The following MAPK9 variants were observed in gnomAD, a reference collection of about 807,000 sequenced individuals.
MAPK9 encodes mitogen-activated protein kinase 9.
Under a neutral mutation model 57.1 loss-of-function variants are expected in MAPK9, and 30 were observed. That is an observed-to-expected ratio of 0.53 (90% confidence interval 0.39 to 0.71). The LOEUF (loss-of-function observed/expected upper bound fraction) is 0.71. MAPK9 is among the 30% of genes least tolerant of loss of function. The probability of loss-of-function intolerance (pLI) is 0.00; values close to 1 mark genes in which losing one functional copy is unlikely to be tolerated. For missense variants in MAPK9, 362 were observed against 521.0 expected, an observed-to-expected ratio of 0.69 and a Z score of 2.97; for synonymous variants, 155 against 177.0, an observed-to-expected ratio of 0.88 and a Z score of 0.99.
At chr5:180,259,112 GAA>G (rs1759629299) in intron 5 of MAPK9, among the ~76,000 whole-genome samples, 1 of 152,080 alleles carries the variant, frequency 6.6e-6, no homozygotes, top group African/African-American at 2.4e-5. Flanking sequence ...ATACCAGAGA[GAA>G]ACCCTTTGAC....
At chr5:180,254,109 G>A (rs1408962811) in intron 5 of MAPK9, among the ~76,000 whole-genome samples, 3 of 151,972 alleles carry the variant, frequency 2.0e-5, no homozygotes, top group Non-Finnish European at 4.4e-5. Flanking sequence ...TGGGATTATA[G>A]GCACCTGCCA....
chr5:180,255,278 C>A (rs563882103), intron 5 of MAPK9, among the ~76,000 whole-genome samples: 1 of 152,170 alleles, frequency 6.6e-6, no homozygotes, highest in African/African-American at 2.4e-5. Flanking sequence ...CCCACCAAAA[C>A]AAGGGGGTAA....
intron 3 of MAPK9, among the ~76,000 whole-genome samples, chr5:180,269,004 T>C (rs1760981078): frequency 6.6e-6 from 1 of 151,018 alleles, no homozygotes; most frequent in Admixed American, 6.6e-5. Context: ...CCGGGCGTGG[T>C]GGCAGGCGCC....
intron 5 of MAPK9, among the ~76,000 whole-genome samples, chr5:180,249,547 C>A (rs997567443): frequency 6.6e-6 from 1 of 152,088 alleles, no homozygotes; most frequent in Non-Finnish European, 1.5e-5. Flanking sequence ...CGGCCCCCTC[C>A]TGCTCTCCAC....
At chr5:180,269,138 A>T (rs908090088) in intron 3 of MAPK9, 142 bp downstream of exon 3, 1 of 938,544 alleles carries the variant, frequency 1.1e-6, no homozygotes, top group Admixed American at 2.5e-5. Flanking sequence ...CAAAAAAACA[A>T]AAAACAAAAA....
intron 2 of MAPK9, among the ~76,000 whole-genome samples, chr5:180,271,524 C>T (rs1192729008): frequency 6.6e-6 from 1 of 152,188 alleles, no homozygotes; most frequent in Non-Finnish European, 1.5e-5. Context: ...GCTTCTTCAA[C>T]TCTGAAGGGA....
At chr5:180,267,791 G>A (rs1034262127) in intron 3 of MAPK9, among the ~76,000 whole-genome samples, 2 of 149,018 alleles carry the variant, frequency 1.3e-5, no homozygotes, top group Non-Finnish European at 2.9e-5. Context: ...CAACCTGGGT[G>A]ACAGAATGAG....
chr5:180,286,148 C>CTTT (rs554112535), intron 1 of MAPK9, among the ~76,000 whole-genome samples: 2 of 111,588 alleles, frequency 1.8e-5, no homozygotes, highest in African/African-American at 3.5e-5. Context: ...TCTTTCTTTT[C>CTTT]TTTTTTTTTT....
intron 2 of MAPK9, among the ~76,000 whole-genome samples, chr5:180,279,461 T>C (rs1354805910): frequency 1.3e-5 from 2 of 152,172 alleles, no homozygotes; most frequent in Non-Finnish European, 2.9e-5. Flanking sequence ...AAAAAACAAC[T>C]GTTTCCCTGA....
chr5:180,238,231 CTGCTCT>C (rs1757342469), intron 11 of MAPK9, 95 bp downstream of exon 11: 2 of 843,056 alleles, frequency 2.4e-6, no homozygotes, highest in Non-Finnish European at 3.8e-6. Context: ...GATCGCGCCG[CTGCTCT>C]CCAGCCTGGG....
intron 1 of MAPK9, among the ~76,000 whole-genome samples, chr5:180,286,359 T>C (rs1012651203): frequency 1.3e-5 from 2 of 150,872 alleles, no homozygotes; most frequent in African/African-American, 2.4e-5. Context: ...TTAGCCAGGA[T>C]GGTCTCGATC....
chr5:180,264,873 T>C (rs765410869), intron 3 of MAPK9, 34 bp from the exon 4 acceptor site: 1 of 1,466,494 alleles, frequency 6.8e-7, no homozygotes, highest in South Asian at 1.3e-5. Context: ...CTTCAATATG[T>C]CAGATTACTT....
At chr5:180,242,830 A>C in intron 7 of MAPK9, 75 bp from the exon 8 acceptor site, 1 of 1,210,494 alleles carries the variant, frequency 8.3e-7, no homozygotes, top group South Asian at 1.5e-5. Flanking sequence ...CACTTGAATA[A>C]TATTTAAACC....
In MAPK9 at chr5:180,236,333, C is replaced by G; in HGVS notation, c.*51G>C. The G allele has an allele frequency of 6.4e-7, 1 of 1,551,974 alleles. No individual in the cohort carries two copies. The highest frequency in any genetic ancestry group is 8.8e-7 in the Non-Finnish European group (1 of 1,142,732). On this transcript the variant is annotated 3_prime_UTR_variant, in exon 12 of 12. Coordinates refer to ENST00000452135, the MANE Select transcript of MAPK9 (RefSeq NM_002752.5). ...CATCAACTCCCAAGCATTTCAGGCC[C>G]ACGGAGGTGAGAGTTCCTTCAATGC...
chr5:180,289,244 C>A (rs1288716849), intron 1 of MAPK9, among the ~76,000 whole-genome samples: 2 of 152,176 alleles, frequency 1.3e-5, no homozygotes, highest in Non-Finnish European at 2.9e-5. Flanking sequence ...TAGACACATT[C>A]AAGTATCCCC....
chr5:180,275,304 A>C (rs1024980188), intron 2 of MAPK9, among the ~76,000 whole-genome samples: 4 of 152,112 alleles, frequency 2.6e-5, no homozygotes, highest in African/African-American at 9.7e-5. Flanking sequence ...GGCACTAGCA[A>C]TTTTTGTTTA....
At chr5:180,262,867 G>A (rs76579748) in intron 4 of MAPK9, 1,673 of 152,390 alleles carry the variant, frequency 0.011, 28 homozygotes, top group African/African-American at 0.037. Flanking sequence ...TAATCCCAGC[G>A]GGCCCTGCCC....
At chr5:180,252,598 C>T (rs141594867) in intron 5 of MAPK9, among the ~76,000 whole-genome samples, 8 of 152,202 alleles carry the variant, frequency 5.3e-5, no homozygotes, top group East Asian at 1.9e-4. Flanking sequence ...CCCACTGTGA[C>T]GACTCTTACT....
At chr5:180,278,240 G>A (rs1323704939) in intron 2 of MAPK9, among the ~76,000 whole-genome samples, 1 of 152,202 alleles carries the variant, frequency 6.6e-6, no homozygotes, top group African/African-American at 2.4e-5. Context: ...CTAACACCCC[G>A]TGAGACGGGA....
Sources: allele counts gnomAD v4.1 joint callset (sites outside exome capture counted in the v4.1 genomes callset), GRCh38; gene constraint gnomAD v4.1.1; transcripts MANE v1.5; gene names NCBI Gene and HGNC (gene_info 2026-07-23, HGNC 2026-07-21).